Variants in MRC2 observed in about 807,000 individuals in gnomAD.
MRC2 encodes C-type mannose receptor 2.
In MRC2, 84 loss-of-function variants were observed where a neutral mutation model predicts 206.2. The observed-to-expected ratio is 0.41, with a 90% CI of 0.34 to 0.49. The LOEUF (loss-of-function observed/expected upper bound fraction) is 0.49, where lower values mean the gene tolerates loss of function less well. Ranked by LOEUF, MRC2 falls within the 20% of genes least tolerant of loss-of-function variation. MRC2 has a pLI of 0.31. For synonymous variants in MRC2, 798 were observed against 800.0 expected (o/e 1.00, Z 0.04); for missense variants, 1,676 against 2,001.5 (o/e 0.84, Z 3.10).
intron 1 of MRC2, among the ~76,000 whole-genome samples, chr17:62,634,101 G>A (rs1417525207): frequency 2.6e-5 from 4 of 152,042 alleles, no homozygotes; most frequent in Admixed American, 6.6e-5. Flanking sequence ...CTAAACAAGG[G>A]GTGGATTATT....
At chr17:62,690,544 T>C in intron 26 of MRC2, 98 bp from the exon 27 acceptor site, 2 of 1,504,346 alleles carry the variant, frequency 1.3e-6, no homozygotes, top group East Asian at 2.3e-5. Flanking sequence ...CACACCATCC[T>C]CTACTCAGGC....
At chr17:62,662,741 C>A (rs559455259) in intron 1 of MRC2, among the ~76,000 whole-genome samples, 2 of 151,946 alleles carry the variant, frequency 1.3e-5, no homozygotes, top group Admixed American at 6.6e-5. Context: ...GAAATCTCAT[C>A]TCTACTAAAA....
At chr17:62,643,587 A>G (rs940715222) in intron 1 of MRC2, among the ~76,000 whole-genome samples, 1 of 152,232 alleles carries the variant, frequency 6.6e-6, no homozygotes, top group Non-Finnish European at 1.5e-5. Flanking sequence ...GGCAACAAAG[A>G]TCAAAATAGA....
Position 62,689,720 on chromosome 17 carries a change from G to C in MRC2, c.3533G>C (p.Gly1178Ala). The change falls in exon 24 of 30, where the codon GGG (glycine) becomes GCG (alanine). Residue 1178 changes from glycine (G) to alanine (A), a missense_variant. Physicochemically the swap from Gly to Ala is moderately conservative, Grantham distance 60 (BLOSUM62 0). This residue lies in a region of MRC2 where 1,354 missense variants were observed against 1,636.6 expected (regional missense o/e 0.83). Coordinates refer to ENST00000303375, the MANE Select transcript of MRC2 (RefSeq NM_006039.5). ...GCCTTCCTCACGCAGGCTGCCCGAG[G>C]GCTGCGCACGCCGCTCTGGATTGGG... ...TQAFLTQAAR[G>A]LRTPLWIGLA... 1 of 1,565,442 alleles carries C rather than the reference G, an allele frequency of 6.4e-7. No homozygotes were observed. The highest frequency in any genetic ancestry group is 8.6e-7 in the Non-Finnish European group (1 of 1,156,772).
intron 20 of MRC2, 36 bp from the exon 21 acceptor site, chr17:62,688,253 G>A (rs1334913149): frequency 6.3e-7 from 1 of 1,588,790 alleles, no homozygotes; most frequent in African/African-American, 1.3e-5. Flanking sequence ...ATGGGGTGGT[G>A]GGGCTGGCCA....
intron 1 of MRC2, among the ~76,000 whole-genome samples, chr17:62,640,852 TTTTTTTG>T (rs1265152477): frequency 6.6e-6 from 1 of 151,710 alleles, no homozygotes; most frequent in African/African-American, 2.4e-5. Context: ...GCCCGGCTAA[TTTTTTTG>T]TTTTTTGTTT....
At chr17:62,628,018 T>C (rs2084183273) in intron 1 of MRC2, 98 bp downstream of exon 1, 1 of 788,148 alleles carries the variant, frequency 1.3e-6, no homozygotes, top group African/African-American at 1.8e-5. Flanking sequence ...CCCCCTCTTT[T>C]CTCCAGAAGC....
At chr17:62,686,358 C>T (rs894661869) in intron 20 of MRC2, among the ~76,000 whole-genome samples, 6 of 152,080 alleles carry the variant, frequency 3.9e-5, no homozygotes, top group African/African-American at 1.4e-4. Context: ...GAGGCTGAGG[C>T]AGGAGAATAG....
rs1304713216 is a variant in MRC2 at position 62,681,913 on chromosome 17, T to C, written c.2779T>C (p.Cys927Arg). 6.2e-7 allele frequency: 1 copy of C among 1,613,762 alleles called. No individual in the cohort carries two copies. The highest frequency in any genetic ancestry group is 1.1e-5 in the South Asian group (1 of 90,980). The change falls in exon 19 of 30, where the codon TGC becomes CGC. Residue 927 changes from cysteine (C) to arginine (R), a missense_variant. By Grantham distance (180) the Cys-to-Arg change is radical (BLOSUM62 -3). Coordinates refer to ENST00000303375, the MANE Select transcript of MRC2 (RefSeq NM_006039.5). The part of the protein sequence containing the change: ...KPRPVGKDKK[C>R]VYMTASREDW... ...TCGGCCTGTCGGCAAGGACAAGAAG[T>C]GCGTGTACATGACAGCCAGCCGAGG...
chr17:62,662,244 T>G (rs1428146350), intron 1 of MRC2, among the ~76,000 whole-genome samples: 1 of 145,568 alleles, frequency 6.9e-6, no homozygotes, highest in East Asian at 1.9e-4. Flanking sequence ...AGCGGGACTC[T>G]GTCTCAAAAA....
intron 1 of MRC2, among the ~76,000 whole-genome samples, chr17:62,633,676 A>AG (rs1263246348): frequency 1.4e-5 from 2 of 146,492 alleles, no homozygotes; most frequent in African/African-American, 5.0e-5. Context: ...CAGTCACTAC[A>AG]GAAAAAAAAA....
chr17:62,681,203 A>G, intron 18 of MRC2, 74 bp downstream of exon 18: 2 of 1,532,368 alleles, frequency 1.3e-6, no homozygotes, highest in Non-Finnish European at 1.8e-6. Context: ...GCAGACTTGC[A>G]TTTGAATCCA....
chr17:62,631,536 G>A (rs1489576406), intron 1 of MRC2, among the ~76,000 whole-genome samples: 1 of 152,048 alleles, frequency 6.6e-6, no homozygotes, highest in East Asian at 1.9e-4. Flanking sequence ...GAAAGCCTGG[G>A]AAATTCTGCC....
At chr17:62,649,222 C>T (rs1008272420) in intron 1 of MRC2, among the ~76,000 whole-genome samples, 2 of 152,234 alleles carry the variant, frequency 1.3e-5, no homozygotes, top group African/African-American at 4.8e-5. Flanking sequence ...TTGGCAGGTG[C>T]TCAATCTTTG....
chr17:62,683,194 C>T (rs937529267), intron 20 of MRC2, among the ~76,000 whole-genome samples: 7 of 151,878 alleles, frequency 4.6e-5, no homozygotes, highest in East Asian at 3.9e-4. Context: ...TTTGGCTGCG[C>T]GTGGTGGGTC....
rs1034122186 is a variant in MRC2 at position 62,666,407 on chromosome 17, C to T, written c.695-48C>T. ...TTTGGTGGGGGAGGGTCTGCACTCC[C>T]GAGGGACCCTGGAGGGGGCCTGAAG... On this transcript the variant is annotated intron_variant, in intron 3 of 29. Coordinates refer to ENST00000303375, the MANE Select transcript of MRC2 (RefSeq NM_006039.5). This position sits in a 1 kb window ranked among gnomAD's most constrained non-coding sequence, Gnocchi z 5.0. The T allele has an allele frequency of 7.1e-5, 114 of 1,611,586 alleles. 1 individual carries two copies. The highest frequency in any genetic ancestry group is 9.0e-5 in the Non-Finnish European group (106 of 1,179,396).
chr17:62,643,327 CAA>C (rs59698063), intron 1 of MRC2, among the ~76,000 whole-genome samples: 8 of 44,136 alleles, frequency 1.8e-4, no homozygotes, highest in South Asian at 9.8e-4. Flanking sequence ...GAAACTCCGT[CAA>C]AAAAAAAAAA....
intron 6 of MRC2, among the ~76,000 whole-genome samples, chr17:62,670,291 C>T (rs2088811768): frequency 6.6e-6 from 1 of 152,254 alleles, no homozygotes; most frequent in Non-Finnish European, 1.5e-5. Context: ...CTTGAGGCCC[C>T]TCGGGTCTCA....
At chr17:62,658,754 T>C (rs773353811) in intron 1 of MRC2, among the ~76,000 whole-genome samples, 48 of 152,258 alleles carry the variant, frequency 3.2e-4, no homozygotes, top group Non-Finnish European at 1.6e-4. Flanking sequence ...AAACAAGCAA[T>C]AATTTTTTTC....
Sources: allele counts gnomAD v4.1 joint callset (sites outside exome capture counted in the v4.1 genomes callset), GRCh38; gene constraint gnomAD v4.1.1; regional missense constraint gnomAD v4.1.1; non-coding constraint Gnocchi (gnomAD v3.1); transcripts MANE v1.5; gene names NCBI Gene and HGNC (gene_info 2026-07-23, HGNC 2026-07-21).